BANK1: variants seen among roughly 807,000 people sequenced by gnomAD.
BANK1 encodes B-cell scaffold protein with ankyrin repeats.
Under a neutral mutation model 94.5 loss-of-function variants are expected in BANK1, and 95 were observed. The observed-to-expected ratio is 1.00, with a 90% CI of 0.85 to 1.19. The LOEUF is 1.19. Among genes scored for constraint, BANK1 ranks in the 50% most tolerant of loss-of-function variants. The pLI is 0.00. For synonymous variants in BANK1, 334 were observed against 308.4 expected (o/e 1.08, Z -0.87); for missense variants, 987 against 932.2 (o/e 1.06, Z -0.77).
intron 2 of BANK1, among the ~76,000 whole-genome samples, chr4:101,853,930 G>T (rs116439441): frequency 0.032 from 4,923 of 152,200 alleles, 280 homozygotes; most frequent in African/African-American, 0.11. Flanking sequence ...TCATTATTTT[G>T]TCTAGATTCT....
chr4:102,039,371 C>A lies in BANK1; in HGVS notation c.1901-4468C>A, dbSNP rs74934013. Among the ~76,000 whole-genome samples, 1,111 of 152,228 alleles carry A rather than the reference C, an allele frequency of 7.3e-3. 9 individuals are homozygous for A. Among genetic ancestry groups the A allele is most frequent in the Non-Finnish European group, 0.014 (919 of 68,000 alleles). On this transcript the variant is annotated intron_variant, in intron 10 of 16. Coordinates refer to ENST00000322953, the MANE Select transcript of BANK1 (RefSeq NM_017935.5). ...AAGAGGCTACCTACATACATCTTTCCTCTAAGCTTCAGATTAATCAACATG... is the reference window on the plus strand; with the variant it reads ...AAGAGGCTACCTACATACATCTTTCATCTAAGCTTCAGATTAATCAACATG...
intron 6 of BANK1, among the ~76,000 whole-genome samples, chr4:101,907,252 A>T (rs1454916821): frequency 6.6e-6 from 1 of 152,222 alleles, no homozygotes; most frequent in East Asian, 1.9e-4. Context: ...GGTTCAACAT[A>T]TGCAAGTCAA....
intron 5 of BANK1, among the ~76,000 whole-genome samples, 180 bp from the exon 6 acceptor site, chr4:101,895,125 A>T (rs1005610279): frequency 6.6e-6 from 1 of 151,788 alleles, no homozygotes; most frequent in Non-Finnish European, 1.5e-5. Flanking sequence ...CTGTTATCTT[A>T]GTAATTGGTT....
chr4:101,887,522 A>C (rs1253259075), intron 5 of BANK1, among the ~76,000 whole-genome samples: 1 of 152,186 alleles, frequency 6.6e-6, no homozygotes, highest in Non-Finnish European at 1.5e-5. Flanking sequence ...TTGCATATCT[A>C]CACTTACAAG....
chr4:101,880,772 A>T (rs1728647716), intron 5 of BANK1, among the ~76,000 whole-genome samples: 1 of 152,174 alleles, frequency 6.6e-6, no homozygotes, highest in Admixed American at 6.5e-5. Context: ...AAATCCAAAC[A>T]CCTACAGTGA....
chr4:101,803,465 C>T (rs1725424100), intron 1 of BANK1, among the ~76,000 whole-genome samples: 1 of 151,794 alleles, frequency 6.6e-6, no homozygotes, highest in South Asian at 2.1e-4. Flanking sequence ...TAGGGTTGTG[C>T]TAGCGAAAAT....
chr4:101,834,037 C>G (rs1304845518), intron 2 of BANK1, among the ~76,000 whole-genome samples: 2 of 152,160 alleles, frequency 1.3e-5, no homozygotes, highest in Non-Finnish European at 2.9e-5. Flanking sequence ...TCTCCACACC[C>G]ATAATTTCTA....
In BANK1 at chr4:102,067,698, A is replaced by T. The variant is rs73834600; in HGVS notation, c.2213-3577A>T. 7.1e-3 allele frequency among the ~76,000 whole-genome samples: 1,081 copies of T among 152,096 alleles called. 8 individuals carry two copies. Among genetic ancestry groups the T allele is most frequent in the Middle Eastern group, 0.055 (16 of 292 alleles). ...TAAAACTCCTGAAGCAAAATCTGAC[A>T]GCACTCAGAGATGTTTTCACTTCTT... is the stretch of plus-strand genomic sequence containing the variant. On this transcript the variant is annotated intron_variant, in intron 13 of 16. Transcript: ENST00000322953.
chr4:102,046,418 T>C (rs373688866), intron 11 of BANK1, among the ~76,000 whole-genome samples: 1 of 152,226 alleles, frequency 6.6e-6, no homozygotes, highest in East Asian at 1.9e-4. Context: ...AGAATGTTTG[T>C]GATAGTGTTG....
intron 7 of BANK1, among the ~76,000 whole-genome samples, chr4:101,964,397 T>A (rs1284859969): frequency 6.6e-6 from 1 of 152,082 alleles, no homozygotes; most frequent in Non-Finnish European, 1.5e-5. Flanking sequence ...AACAGAATTC[T>A]GAAAAAAACC....
At position 101,870,627 on chromosome 4, in the gene BANK1, GGA is replaced by G. The variant is rs781301000; in HGVS notation, c.892_893del (p.Ser298PhefsTer5). On this transcript the variant is annotated frameshift_variant, in exon 5 of 17. Coordinates refer to ENST00000322953, the MANE Select transcript of BANK1 (RefSeq NM_017935.5). LOFTEE classifies it high-confidence loss of function. ...KECLFRMADS[G>X]ESLCQNSIEE... ...ATGCCTATTCAGAATGGCAGATTCA[GGA>G]GAGAGTTTGTGCCAGGTAAGTTAAT... is the stretch of plus-strand genomic sequence containing the variant. The G allele has an allele frequency of 5.0e-6, 8 of 1,610,854 alleles. No individual in the cohort carries two copies. The highest frequency in any genetic ancestry group is 6.8e-6 in the Non-Finnish European group (8 of 1,178,618).
chr4:101,860,800 G>A (rs147186061), intron 3 of BANK1, among the ~76,000 whole-genome samples: 66 of 152,282 alleles, frequency 4.3e-4, no homozygotes, highest in Middle Eastern at 3.4e-3. Flanking sequence ...AAAACACTGG[G>A]AGAGTGCATG....
chr4:101,867,506 A>G (rs1728118859), intron 4 of BANK1, among the ~76,000 whole-genome samples: 1 of 152,028 alleles, frequency 6.6e-6, no homozygotes, highest in Admixed American at 6.6e-5. Flanking sequence ...AGGTAAAAAC[A>G]CAATATTTCA....
chr4:101,832,137 C>T (rs1237598913), intron 2 of BANK1, among the ~76,000 whole-genome samples: 2 of 152,212 alleles, frequency 1.3e-5, no homozygotes, highest in African/African-American at 2.4e-5. Flanking sequence ...TAGAGTTTGT[C>T]TGAGGACAGT....
At chr4:101,865,147 C>G (rs1728020952) in intron 4 of BANK1, among the ~76,000 whole-genome samples, 1 of 152,128 alleles carries the variant, frequency 6.6e-6, no homozygotes, top group South Asian at 2.1e-4. Flanking sequence ...ACCAACACGT[C>G]ATACTTTGGG....
chr4:101,888,584 A>C (rs887732450), intron 5 of BANK1, among the ~76,000 whole-genome samples: 1 of 152,234 alleles, frequency 6.6e-6, no homozygotes, highest in Non-Finnish European at 1.5e-5. Flanking sequence ...GAATGTAAAG[A>C]TCTAAGTTAG....
Position 102,073,725 on chromosome 4 carries a change from T to C in BANK1, c.2340T>C (p.Cys780=), listed in dbSNP as rs1460057556. The C allele has an allele frequency of 6.8e-6, 11 of 1,611,678 alleles. No individual in the cohort carries two copies. Among genetic ancestry groups the C allele is most frequent in the Non-Finnish European group, 9.3e-6 (11 of 1,178,688 alleles). ...RPQVEKEFGF[C]CKKDH Reference sequence around the variant, plus strand: ...AAGTTGAAAAGGAATTTGGTTTCTGTTGCAAGAAAGATCATTAAAGAAGGT... The same window carrying C: ...AAGTTGAAAAGGAATTTGGTTTCTGCTGCAAGAAAGATCATTAAAGAAGGT... The change falls in exon 16 of 17, where the codon TGT becomes TGC. Residue 780 remains cysteine (C), a synonymous_variant. Coordinates refer to ENST00000322953, the MANE Select transcript of BANK1 (RefSeq NM_017935.5).
intron 2 of BANK1, among the ~76,000 whole-genome samples, chr4:101,854,724 A>G (rs1000817837): frequency 6.6e-6 from 1 of 152,160 alleles, no homozygotes; most frequent in Non-Finnish European, 1.5e-5. Context: ...TTTATGTTTT[A>G]CAGATCTACT....
chr4:102,013,975 G>A (rs1467291544), intron 7 of BANK1, among the ~76,000 whole-genome samples: 1 of 152,080 alleles, frequency 6.6e-6, no homozygotes, highest in Non-Finnish European at 1.5e-5. Flanking sequence ...AACCCTGCGA[G>A]ATAAGGTACA....
Sources: allele counts gnomAD v4.1 joint callset (sites outside exome capture counted in the v4.1 genomes callset), GRCh38; gene constraint gnomAD v4.1.1; transcripts MANE v1.5; gene names NCBI Gene and HGNC (gene_info 2026-07-23, HGNC 2026-07-21).